The following ADCY4 variants were observed in gnomAD, a reference collection of about 807,000 sequenced individuals.
ADCY4 encodes the protein adenylate cyclase type 4.
In ADCY4, 111 loss-of-function variants were observed where a neutral mutation model predicts 125.5. The observed-to-expected ratio is 0.88, with a 90% CI of 0.76 to 1.04. ADCY4 has a LOEUF of 1.04. ADCY4 is among the 50% of genes least tolerant of loss of function. ADCY4 has a pLI of 0.00. For synonymous variants in ADCY4, 576 were observed against 586.9 expected (o/e 0.98, Z 0.27); for missense variants, 1,256 against 1,382.9 (o/e 0.91, Z 1.46).
rs369170511 is a variant in ADCY4, at chr14:24,324,156, G to A, written c.1952C>T (p.Ala651Val). 3 of 1,614,278 alleles carry A rather than the reference G, an allele frequency of 1.9e-6. No individual in the cohort carries two copies. Among genetic ancestry groups the A allele is most frequent in the African/African-American group, 1.3e-5 (1 of 75,084 alleles). The change falls in exon 16 of 25, where the codon GCA becomes GTA. Residue 651 changes from alanine to valine, a missense_variant. Physicochemically the swap from Ala to Val is moderately conservative, Grantham distance 64 (BLOSUM62 0). Transcript: ENST00000418030. Reference protein sequence around the residue: ...KGPKMLHWLPALSGLVATRPG... With the variant: ...KGPKMLHWLPVLSGLVATRPG... The stretch of plus-strand genomic sequence containing the variant: ...TCGTGTGGCCACCAGGCCAGACAGT[G>A]CAGGCAGCCAGTGCAGCATCTTGGG...
In ADCY4 at chr14:24,334,823, C is replaced by T; in HGVS notation, c.-171G>A. The T allele has an allele frequency of 1.7e-6, 1 of 589,780 alleles. No homozygotes were observed. The highest frequency in any genetic ancestry group is 2.9e-6 in the Non-Finnish European group (1 of 339,542). The allele number at this position is 589,780 out of a possible 1,614,324, so 36.5% of individuals were successfully genotyped here. A position where few individuals can be genotyped will look rare whatever the true frequency, so the allele number is the denominator to read the frequency against. On this transcript the variant is annotated 5_prime_UTR_variant, in exon 1 of 25. Transcript: ENST00000418030. Reference sequence around the variant, plus strand: ...TTTTTCAGGCCCTCCCTGCGGCCTCCCAGCCCGCTCCCAGCTGGCGATGAG... The same window carrying T: ...TTTTTCAGGCCCTCCCTGCGGCCTCTCAGCCCGCTCCCAGCTGGCGATGAG...
chr14:24,324,644 G>A (rs1365597038), intron 14 of ADCY4, among the ~76,000 whole-genome samples: 1 of 152,206 alleles, frequency 6.6e-6, no homozygotes, highest in Non-Finnish European at 1.5e-5. Flanking sequence ...GAATGGCTGA[G>A]GCTACGGCAG....
chr14:24,332,428 G>A, intron 3 of ADCY4, 94 bp downstream of exon 3: 1 of 1,384,452 alleles, frequency 7.2e-7, no homozygotes, highest in Non-Finnish European at 9.7e-7. Flanking sequence ...GTTGCACCTT[G>A]ACTTGGAGTC....
At chr14:24,331,606 T>C (rs1391512497) in intron 4 of ADCY4, 182 bp downstream of exon 4, 1 of 1,054,896 alleles carries the variant, frequency 9.5e-7, no homozygotes, top group Non-Finnish European at 1.3e-6. Context: ...GTGCTTTTTA[T>C]AAGCTTTGGT....
chr14:24,330,145 T>G (rs1383801202), intron 7 of ADCY4, 23 bp downstream of exon 7: 1 of 1,608,642 alleles, frequency 6.2e-7, no homozygotes, highest in Non-Finnish European at 8.5e-7. Context: ...TCAGCATTCC[T>G]CTTGACCACC....
chr14:24,331,262 G>A lies in ADCY4; in HGVS notation c.764C>T (p.Pro255Leu), dbSNP rs2042036925. 2.5e-6 allele frequency: 4 copies of A among 1,614,158 alleles called. No homozygotes were observed. Among genetic ancestry groups the A allele is most frequent in the Non-Finnish European group, 3.4e-6 (4 of 1,180,022 alleles). The change falls in exon 5 of 25, where the codon CCA (proline) becomes CTA (leucine). Residue 255 changes from proline to leucine, a missense_variant. Coordinates refer to ENST00000418030, the MANE Select transcript of ADCY4 (RefSeq NM_001198568.2). ...GCTGTGGAAATTGTTAGTGCTCTCT[G>A]GCCGTGACCCCTGTCCTGCCTGCAG... is the stretch of plus-strand genomic sequence containing the variant. ...ARLQAGQGSRPESTNNFHSLY... is the reference protein window; with the variant it reads ...ARLQAGQGSRLESTNNFHSLY...
intron 10 of ADCY4, 53 bp downstream of exon 10, chr14:24,329,008 T>G: frequency 6.3e-7 from 1 of 1,583,138 alleles, no homozygotes; most frequent in African/African-American, 1.3e-5. Flanking sequence ...GGCCTGAGGA[T>G]ACTGGGGGTG....
At chr14:24,330,834 G>A in intron 6 of ADCY4, 184 bp downstream of exon 6, 2 of 594,344 alleles carry the variant, frequency 3.4e-6, no homozygotes, top group Non-Finnish European at 3.0e-6. Context: ...GGTTTGAGGT[G>A]TGTGGTGAGC....
chr14:24,325,079 T>C (rs540804042), intron 14 of ADCY4, among the ~76,000 whole-genome samples: 1 of 152,224 alleles, frequency 6.6e-6, no homozygotes, highest in East Asian at 1.9e-4. Flanking sequence ...TCTAAGCTCA[T>C]GCATTTGCTG....
At chr14:24,324,654 G>A (rs1162171693) in intron 14 of ADCY4, among the ~76,000 whole-genome samples, 1 of 152,204 alleles carries the variant, frequency 6.6e-6, no homozygotes, top group South Asian at 2.1e-4. Flanking sequence ...GGCTACGGCA[G>A]ACTGATCTCT....
chr14:24,319,995 T>G lies in ADCY4; in HGVS notation c.2587-107A>C. The G allele has an allele frequency of 7.3e-7, 1 of 1,369,346 alleles. No homozygotes were observed. The highest frequency in any genetic ancestry group is 9.8e-7 in the Non-Finnish European group (1 of 1,015,600). The allele number at this position is 1,369,346 out of a possible 1,614,324, so 84.8% of individuals were successfully genotyped here. A position where few individuals can be genotyped will look rare whatever the true frequency, so the allele number is the denominator to read the frequency against. ...ATGTCCACACTCCTGGTCTCCCTGT[T>G]TAAGAAGAATTGGGAAGGAGGGAGA... is the stretch of plus-strand genomic sequence containing the variant. On this transcript the variant is annotated intron_variant, in intron 20 of 24. Transcript: ENST00000418030. The surrounding 1 kb of genome is among the most constrained non-coding windows in gnomAD (Gnocchi z 4.5).
chr14:24,322,012 T>C, intron 20 of ADCY4, 54 bp downstream of exon 20: 4 of 1,546,886 alleles, frequency 2.6e-6, no homozygotes, highest in Non-Finnish European at 3.5e-6. Flanking sequence ...GGCTTTCATC[T>C]GAAATTAGGC....
chr14:24,326,171 C>T lies in ADCY4; in HGVS notation c.1569-6G>A, dbSNP rs766548695. On this transcript the variant is annotated splice_region_variant and splice_polypyrimidine_tract_variant and intron_variant, in intron 11 of 24. Transcript: ENST00000418030. ...GTCCCCGGGGGGTACGGCTCCTGCA[C>T]AGTGAGAGCCAAGTCCATCACCACA... is the stretch of plus-strand genomic sequence containing the variant. 1.2e-6 allele frequency: 2 copies of T among 1,604,546 alleles called. No homozygotes were observed. Among genetic ancestry groups the T allele is most frequent in the Admixed American group, 1.7e-5 (1 of 59,372 alleles).
rs949051186 is a variant in ADCY4 at position 24,323,436 on chromosome 14, A to G, written c.2065T>C (p.Ser689Pro). The G allele has an allele frequency of 1.3e-6, 2 of 1,554,026 alleles. No individual in the cohort carries two copies. The highest frequency in any genetic ancestry group is 1.7e-6 in the Non-Finnish European group (2 of 1,148,024). The stretch of plus-strand genomic sequence containing the variant: ...TTGGGAGCTTGGAAAGGGCAGTCTG[A>G]TGATGTTGGGAAGAAGAACTGCAGA... Reference protein sequence around the residue: ...ITSLFFFPTSSDCPFQAPNVS... With the variant: ...ITSLFFFPTSPDCPFQAPNVS... Residue 689 changes from serine to proline, a missense_variant, in exon 17 of 25, where the codon TCA becomes CCA. Ser to Pro is a moderately conservative substitution (Grantham distance 74). Transcript: ENST00000418030.
At chr14:24,322,277 C>G (rs1566432277) in intron 19 of ADCY4, 53 bp from the exon 20 acceptor site, 2 of 1,567,278 alleles carry the variant, frequency 1.3e-6, no homozygotes, top group African/African-American at 1.4e-5. Flanking sequence ...GGAAGCCCAG[C>G]TCCTGAGTGT....
intron 15 of ADCY4, 35 bp from the exon 16 acceptor site, chr14:24,324,234 C>T: frequency 6.2e-7 from 1 of 1,614,076 alleles, no homozygotes; most frequent in Non-Finnish European, 8.5e-7. Flanking sequence ...AGCCACGGGG[C>T]TGGGGCACCC....
At chr14:24,332,295 C>T (rs983738022) in intron 3 of ADCY4, 2 of 505,484 alleles carry the variant, frequency 4.0e-6, no homozygotes. Flanking sequence ...CTGTTGTCCC[C>T]GGGGTAAACC....
At position 24,324,355 on chromosome 14, in the gene ADCY4, G is replaced by A. The variant is rs755881834; in HGVS notation, c.1860C>T (p.Phe620=). The A allele has an allele frequency of 1.2e-6, 2 of 1,614,244 alleles. No homozygotes were observed. Among genetic ancestry groups the A allele is most frequent in the South Asian group, 1.1e-5 (1 of 91,090 alleles). Residue 620 remains phenylalanine, a synonymous_variant, in exon 15 of 25, where the codon TTC becomes TTT. Transcript: ENST00000418030. The part of the protein sequence containing the change: ...PALAITYSIT[F]LLFLLILFVC... ...CAAAAAGGATGAGGAGGAAGAGGAG[G>A]AAGGTGATGCTATACGTGATGGCCA...
chr14:24,327,020 C>T (rs1336136412), intron 10 of ADCY4, among the ~76,000 whole-genome samples: 1 of 151,446 alleles, frequency 6.6e-6, no homozygotes. Context: ...CCTCAGCCTC[C>T]TGAGTAGCTG....
Sources: allele counts gnomAD v4.1 joint callset (sites outside exome capture counted in the v4.1 genomes callset), GRCh38; gene constraint gnomAD v4.1.1; non-coding constraint Gnocchi (gnomAD v3.1); transcripts MANE v1.5; gene names NCBI Gene and HGNC (gene_info 2026-07-23, HGNC 2026-07-21).